The following CLIP2 variants were observed in gnomAD, a reference collection of about 807,000 sequenced individuals.
CLIP2 encodes the protein CAP-Gly domain-containing linker protein 2.
Under a neutral mutation model 111.7 loss-of-function variants are expected in CLIP2, and 41 were observed. The observed-to-expected ratio is 0.37, with a 90% CI of 0.29 to 0.48. The LOEUF is 0.48. CLIP2 is among the 20% of genes least tolerant of loss of function. CLIP2 has a pLI of 0.99. For synonymous variants in CLIP2, 660 were observed against 644.2 expected, an observed-to-expected ratio of 1.02 and a Z score of -0.37; for missense variants, 1,160 against 1,422.1, an observed-to-expected ratio of 0.82 and a Z score of 2.96.
Position 74,376,631 on chromosome 7 carries a change from G to A in CLIP2, c.2230G>A (p.Gly744Ser), listed in dbSNP as rs376502740. 2.5e-6 allele frequency: 4 copies of A among 1,613,420 alleles called. No individual in the cohort carries two copies. Among genetic ancestry groups the A allele is most frequent in the Non-Finnish European group, 2.5e-6 (3 of 1,179,874 alleles). ...GGAAAAACTGGACGTGGAGTACCGG[G>A]GCCAGGCGCAGGCTATCGAGTTCCT... Reference protein sequence around the residue: ...ELEKLDVEYRGQAQAIEFLKE... With the variant: ...ELEKLDVEYRSQAQAIEFLKE... The change falls in exon 10 of 17, where the codon GGC becomes AGC. Residue 744 changes from glycine (G) to serine (S), a missense_variant. Gly to Ser is a moderately conservative substitution (Grantham distance 56). Coordinates refer to ENST00000223398, the MANE Select transcript of CLIP2 (RefSeq NM_003388.5). The surrounding 1 kb of genome is among the most constrained non-coding windows in gnomAD (Gnocchi z 7.1).
rs143624535 is a variant in CLIP2 at position 74,346,552 on chromosome 7, G to A, written c.679-7328G>A. On this transcript the variant is annotated intron_variant, in intron 3 of 16. Coordinates refer to ENST00000223398, the MANE Select transcript of CLIP2 (RefSeq NM_003388.5). ...AGCCTGGCCAACATGACAAAACCCCGTCTCTACTAAAAATACAAAAGTTAG... is the reference window on the plus strand; with the variant it reads ...AGCCTGGCCAACATGACAAAACCCCATCTCTACTAAAAATACAAAAGTTAG... 2.0e-3 allele frequency among the ~76,000 whole-genome samples: 307 copies of A among 152,006 alleles called. 1 individual carries two copies. The highest frequency in any genetic ancestry group is 4.1e-3 in the African/African-American group (170 of 41,472).
At chr7:74,342,246 C>T (rs920987762) in intron 3 of CLIP2, among the ~76,000 whole-genome samples, 7 of 151,972 alleles carry the variant, frequency 4.6e-5, no homozygotes, top group African/African-American at 1.4e-4. Context: ...TGTGGTGGCA[C>T]GTGCCTGTAG....
At chr7:74,394,453 T>C (rs1791390732) in intron 13 of CLIP2, among the ~76,000 whole-genome samples, 1 of 152,118 alleles carries the variant, frequency 6.6e-6, no homozygotes, top group African/African-American at 2.4e-5. Flanking sequence ...TTTCTCCATG[T>C]TGGTCAGGCT....
chr7:74,390,217 G>GAA (rs1204475300), intron 13 of CLIP2, among the ~76,000 whole-genome samples: 6 of 86,642 alleles, frequency 6.9e-5, no homozygotes, highest in East Asian at 2.7e-4. Context: ...AAGAAAGAAA[G>GAA]AAAGAAAGGA....
At chr7:74,348,096 G>A (rs1789857284) in intron 3 of CLIP2, among the ~76,000 whole-genome samples, 1 of 151,924 alleles carries the variant, frequency 6.6e-6, no homozygotes, top group Non-Finnish European at 1.5e-5. Flanking sequence ...CGTAGAATTG[G>A]GAGGCAGAGG....
At chr7:74,401,111 A>G (rs1791607536) in intron 15 of CLIP2, among the ~76,000 whole-genome samples, 1 of 150,430 alleles carries the variant, frequency 6.6e-6, no homozygotes, top group Non-Finnish European at 1.5e-5. Context: ...CTGAAGGGGG[A>G]GGCAGCTCTG....
At chr7:74,308,078 A>G (rs1271806908) in intron 1 of CLIP2, among the ~76,000 whole-genome samples, 1 of 152,076 alleles carries the variant, frequency 6.6e-6, no homozygotes. Context: ...TTGGCTCCAC[A>G]TGTGATCCTG....
intron 14 of CLIP2, among the ~76,000 whole-genome samples, chr7:74,397,657 GTT>G (rs1221589920): frequency 1.8e-5 from 2 of 113,418 alleles, no homozygotes; most frequent in African/African-American, 7.3e-5. Flanking sequence ...GGGTGGCTGA[GTT>G]TTTTTTGTTT....
chr7:74,328,624 G>A (rs1789186855), intron 2 of CLIP2, among the ~76,000 whole-genome samples: 1 of 152,158 alleles, frequency 6.6e-6, no homozygotes, highest in South Asian at 2.1e-4. Flanking sequence ...AGGGGATGTG[G>A]AGTTGCTATG....
intron 4 of CLIP2, among the ~76,000 whole-genome samples, chr7:74,355,896 T>A (rs1562706690): frequency 6.6e-6 from 1 of 152,140 alleles, no homozygotes; most frequent in African/African-American, 2.4e-5. Flanking sequence ...CTGGGGATGG[T>A]CTGAGGGTAG....
At chr7:74,298,593 CGT>C (rs1788238295) in intron 1 of CLIP2, among the ~76,000 whole-genome samples, 1 of 135,308 alleles carries the variant, frequency 7.4e-6, no homozygotes, top group Non-Finnish European at 1.6e-5. Flanking sequence ...AGTGGCGTGG[CGT>C]GATCTCGGCT....
intron 2 of CLIP2, among the ~76,000 whole-genome samples, chr7:74,320,215 AAG>A (rs1312005979): frequency 1.1e-4 from 16 of 141,914 alleles, no homozygotes; most frequent in African/African-American, 3.5e-4. Flanking sequence ...AAAAAAAAAA[AAG>A]AAAGAAAAAG....
rs782239716 is a variant in CLIP2 at position 74,338,613 on chromosome 7, A to G, written c.287A>G (p.Gln96Arg). The G allele has an allele frequency of 7.0e-6, 11 of 1,564,552 alleles. No homozygotes were observed. Among genetic ancestry groups the G allele is most frequent in the South Asian group, 2.3e-5 (2 of 85,908 alleles). Residue 96 changes from glutamine (Q) to arginine (R), a missense_variant, in exon 3 of 17, where the codon CAG becomes CGG. Around this residue, in one of 5 missense-constraint regions of CLIP2, gnomAD observed 301 missense variants for 315.2 expected, o/e 0.96. Coordinates refer to ENST00000223398, the MANE Select transcript of CLIP2 (RefSeq NM_003388.5). The surrounding 1 kb of genome is among the most constrained non-coding windows in gnomAD (Gnocchi z 4.3). Reference sequence around the variant, plus strand: ...AACGGCGTGAAGCCAGGCGTGGTGCAGTATCTGGGAGAGACGCAGTTCGCA... The same window carrying G: ...AACGGCGTGAAGCCAGGCGTGGTGCGGTATCTGGGAGAGACGCAGTTCGCA... Reference protein sequence around the residue: ...WVNGVKPGVVQYLGETQFAPG... With the variant: ...WVNGVKPGVVRYLGETQFAPG...
chr7:74,356,928 G>A (rs782742317), intron 5 of CLIP2, among the ~76,000 whole-genome samples: 3 of 152,144 alleles, frequency 2.0e-5, no homozygotes, highest in Non-Finnish European at 4.4e-5. Flanking sequence ...AAAAGAGGAG[G>A]CTGCTTGGTG....
intron 8 of CLIP2, among the ~76,000 whole-genome samples, chr7:74,372,273 G>A (rs1335366647): frequency 1.3e-5 from 2 of 152,036 alleles, no homozygotes; most frequent in African/African-American, 2.4e-5. Context: ...GGGCAGCAAT[G>A]GGGCCCGGGA....
At chr7:74,336,053 CTCTTTTT>C (rs2116551623) in intron 2 of CLIP2, among the ~76,000 whole-genome samples, 1 of 150,774 alleles carries the variant, frequency 6.6e-6, no homozygotes, top group East Asian at 2.0e-4. Flanking sequence ...CTCTTCTTTT[CTCTTTTT>C]TCTTTTCTAT....
intron 3 of CLIP2, among the ~76,000 whole-genome samples, chr7:74,345,447 G>A (rs1402017733): frequency 6.6e-6 from 1 of 151,868 alleles, no homozygotes; most frequent in South Asian, 2.1e-4. Context: ...TTGCCAGGAT[G>A]GTCTTGAACT....
intron 8 of CLIP2, among the ~76,000 whole-genome samples, chr7:74,367,283 C>T (rs1005739445): frequency 1.3e-5 from 2 of 152,030 alleles, no homozygotes; most frequent in African/African-American, 2.4e-5. Flanking sequence ...CTCCCCTTCC[C>T]GGGTTCATGC....
At chr7:74,371,593 G>C (rs1790623849) in intron 8 of CLIP2, among the ~76,000 whole-genome samples, 1 of 144,502 alleles carries the variant, frequency 6.9e-6, no homozygotes, top group African/African-American at 2.6e-5. Flanking sequence ...GAGGGGAAAA[G>C]AGAAGGAGAG....
Sources: gnomAD v4.1 joint callset for allele counts (sites outside exome capture counted in the v4.1 genomes callset) on GRCh38, gnomAD v4.1.1 for gene constraint, gnomAD v4.1.1 regional missense constraint, Gnocchi (gnomAD v3.1) non-coding constraint, MANE v1.5 for transcripts, NCBI Gene and HGNC (gene_info 2026-07-23, HGNC 2026-07-21) for gene names.